CACNA1C: variants seen among roughly 807,000 people sequenced by gnomAD.
CACNA1C encodes the protein voltage-dependent L-type calcium channel subunit alpha-1C.
CACNA1C carries 30 observed loss-of-function variants against 229.0 expected under a neutral mutation model. The ratio of observed to expected loss-of-function variants is 0.13; its 90% CI spans 0.10 to 0.18. The LOEUF is 0.18. CACNA1C is among the 10% of genes least tolerant of loss of function. CACNA1C has a pLI of 1.00. For synonymous variants in CACNA1C, 1,114 were observed against 1,132.5 expected (o/e 0.98, Z 0.33); for missense variants, 1,658 against 2,845.0 (o/e 0.58, Z 9.49).
chr12:2,213,018 A>ATACC (rs1394821334), intron 3 of CACNA1C, among the ~76,000 whole-genome samples: 2 of 152,236 alleles, frequency 1.3e-5, no homozygotes, highest in Non-Finnish European at 2.9e-5. Context: ...CTCTGGCGGT[A>ATACC]GCATGCTTAT....
At chr12:2,122,984 A>G (rs1000983611) in intron 3 of CACNA1C, among the ~76,000 whole-genome samples, 1 of 152,214 alleles carries the variant, frequency 6.6e-6, no homozygotes, top group Non-Finnish European at 1.5e-5. Context: ...CCTCGCAGGG[A>G]TGCCGATGAT....
At chr12:2,484,669 C>G (rs1489174896) in intron 5 of CACNA1C, among the ~76,000 whole-genome samples, 1 of 152,124 alleles carries the variant, frequency 6.6e-6, no homozygotes, top group Admixed American at 6.5e-5. Context: ...TTGGGGTTCC[C>G]ACCACCTCGA....
At chr12:2,581,114 T>G (rs1277633469) in intron 13 of CACNA1C, among the ~76,000 whole-genome samples, 4 of 152,146 alleles carry the variant, frequency 2.6e-5, no homozygotes, top group East Asian at 1.9e-4. Context: ...AAAAAAGCTT[T>G]CTTTCTGTTT....
chr12:2,615,070 G>A (rs1480748618), intron 29 of CACNA1C: 3 of 152,172 alleles, frequency 2.0e-5, no homozygotes, highest in Non-Finnish European at 2.9e-5. Flanking sequence ...TGCAGGCATG[G>A]TTTGAAGAGA....
At chr12:2,274,294 G>C (rs1420032704) in intron 3 of CACNA1C, among the ~76,000 whole-genome samples, 1 of 152,190 alleles carries the variant, frequency 6.6e-6, no homozygotes, top group African/African-American at 2.4e-5. Flanking sequence ...TTCACTCACT[G>C]CCTGCTTCCT....
chr12:1,993,025 G>A (rs2039843933), intron 1 of CACNA1C: 1 of 656,008 alleles, frequency 1.5e-6, no homozygotes, highest in Non-Finnish European at 2.7e-6. Context: ...AATCCATAAA[G>A]CTTCAAAAGA....
intron 1 of CACNA1C, among the ~76,000 whole-genome samples, chr12:2,019,220 G>C (rs1454655350): frequency 1.3e-5 from 2 of 152,102 alleles, no homozygotes; most frequent in African/African-American, 4.8e-5. Context: ...CTGACCCTTT[G>C]GGAGGTTGAG....
At chr12:2,069,811 A>G (rs1277123627) in intron 1 of CACNA1C, among the ~76,000 whole-genome samples, 1 of 152,130 alleles carries the variant, frequency 6.6e-6, no homozygotes, top group Non-Finnish European at 1.5e-5. Context: ...CAAATGCTTA[A>G]AGAGTCTTTT....
chr12:2,217,502 A>G (rs1451339003), intron 3 of CACNA1C: 1 of 152,248 alleles, frequency 6.6e-6, no homozygotes, highest in African/African-American at 2.4e-5. Context: ...GAAAAACAGA[A>G]ATGTATAAAG....
At chr12:2,106,678 C>T (rs1413450395) in intron 1 of CACNA1C, among the ~76,000 whole-genome samples, 1 of 29,644 alleles carries the variant, frequency 3.4e-5, no homozygotes, top group African/African-American at 9.3e-5. Flanking sequence ...CTGGGGCGTC[C>T]TGAAGCCACT....
chr12:2,438,497 G>A (rs957079504), intron 3 of CACNA1C, among the ~76,000 whole-genome samples: 22 of 151,974 alleles, frequency 1.4e-4, no homozygotes, highest in Non-Finnish European at 1.6e-4. Context: ...GAGCTGCATC[G>A]TGGAGGAGTA....
intron 1 of CACNA1C, among the ~76,000 whole-genome samples, chr12:2,000,623 GT>G (rs1371764359): frequency 6.6e-6 from 1 of 152,192 alleles, no homozygotes; most frequent in East Asian, 1.9e-4. Context: ...AAGAATATGA[GT>G]TTGTTCATAG....
intron 10 of CACNA1C, among the ~76,000 whole-genome samples, chr12:2,552,547 C>G (rs184357493): frequency 6.6e-6 from 1 of 152,230 alleles, no homozygotes; most frequent in East Asian, 1.9e-4. Context: ...CAGAACAGAG[C>G]TGAGTGGGAG....
intron 3 of CACNA1C, among the ~76,000 whole-genome samples, chr12:2,339,813 C>T (rs1017490291): frequency 6.6e-6 from 1 of 152,000 alleles, no homozygotes; most frequent in Non-Finnish European, 1.5e-5. Flanking sequence ...ACGTGACTGT[C>T]GTACATAGTC....
intron 11 of CACNA1C, among the ~76,000 whole-genome samples, chr12:2,563,216 CTT>C (rs1293452660): frequency 1.3e-5 from 2 of 152,284 alleles, no homozygotes; most frequent in African/African-American, 4.8e-5. Flanking sequence ...GAATTTCATT[CTT>C]TTTTATAGCT....
intron 3 of CACNA1C, among the ~76,000 whole-genome samples, chr12:2,177,656 T>TTTC (rs1333529299): frequency 1.7e-5 from 2 of 120,886 alleles, no homozygotes; most frequent in Non-Finnish European, 3.9e-5. Flanking sequence ...TTCTTTCTTT[T>TTTC]TCTTTCTTCT....
At chr12:2,311,902 A>G (rs2095455645) in intron 3 of CACNA1C, among the ~76,000 whole-genome samples, 1 of 152,246 alleles carries the variant, frequency 6.6e-6, no homozygotes, top group African/African-American at 2.4e-5. Context: ...AAAAATGGTT[A>G]ACATAGTAAA....
At chr12:2,016,386 A>G (rs1343964657) in intron 1 of CACNA1C, among the ~76,000 whole-genome samples, 2 of 152,228 alleles carry the variant, frequency 1.3e-5, no homozygotes, top group African/African-American at 2.4e-5. Context: ...TGTACAATGT[A>G]TCAATGTATT....
rs2096846899 is a variant in CACNA1C, at chr12:2,181,765, A to G, written c.477+61335A>G. On this transcript the variant is annotated intron_variant, in intron 3 of 46. Coordinates refer to ENST00000399655, the MANE Select transcript of CACNA1C (RefSeq NM_000719.7). The surrounding 1 kb of genome is among the most constrained non-coding windows in gnomAD (Gnocchi z 4.0). ...CTCACAATAACCCCATGGGGTAGATATTACTGTTATTACCCTTTTATAGAT... is the reference window on the plus strand; with the variant it reads ...CTCACAATAACCCCATGGGGTAGATGTTACTGTTATTACCCTTTTATAGAT... Among the ~76,000 whole-genome samples, 1 of 152,086 alleles carries G rather than the reference A, an allele frequency of 6.6e-6. No homozygotes were observed. Among genetic ancestry groups the G allele is most frequent in the Non-Finnish European group, 1.5e-5 (1 of 68,032 alleles).
Sources: gnomAD v4.1 joint callset for allele counts (sites outside exome capture counted in the v4.1 genomes callset) on GRCh38, gnomAD v4.1.1 for gene constraint, Gnocchi (gnomAD v3.1) non-coding constraint, MANE v1.5 for transcripts, NCBI Gene and HGNC (gene_info 2026-07-23, HGNC 2026-07-21) for gene names.